Variants in NEGR1 observed in about 807,000 individuals in gnomAD.
The protein encoded by NEGR1 is neuronal growth regulator 1, also known as IgLON family member 4.
NEGR1 carries 10 observed loss-of-function variants against 40.9 expected under a neutral mutation model. The ratio of observed to expected loss-of-function variants is 0.24; its 90% CI spans 0.15 to 0.42. The LOEUF is 0.42. Among genes scored for constraint, NEGR1 ranks in the 10% least tolerant of loss-of-function variants. The pLI is 1.00. For synonymous variants in NEGR1, 185 were observed against 166.8 expected (o/e 1.11, Z -0.84); for missense variants, 352 against 438.9 (o/e 0.80, Z 1.77).
Position 71,406,345 on chromosome 1 carries a change from G to A in NEGR1, c.*1101C>T, listed in dbSNP as rs1020797409. ...TCCTGTCCACAGGAGCACTGCCTCTGTCATACTAACTTAGCTGCCACAAAA... is the reference window on the plus strand; with the variant it reads ...TCCTGTCCACAGGAGCACTGCCTCTATCATACTAACTTAGCTGCCACAAAA... On this transcript the variant is annotated 3_prime_UTR_variant, in exon 7 of 7. Coordinates refer to ENST00000357731, the MANE Select transcript of NEGR1 (RefSeq NM_173808.3). 1 of 151,896 alleles carries A rather than the reference G, an allele frequency of 6.6e-6. No individual in the cohort carries two copies. Among genetic ancestry groups the A allele is most frequent in the African/African-American group, 2.4e-5 (1 of 41,410 alleles). The allele number at this position is 151,896 out of a possible 1,614,324, so 9.4% of individuals were successfully genotyped here.
At chr1:72,152,212 T>G (rs560836506) in intron 1 of NEGR1, among the ~76,000 whole-genome samples, 21 of 151,876 alleles carry the variant, frequency 1.4e-4, no homozygotes, top group Non-Finnish European at 2.4e-4. Flanking sequence ...ATGAAAGGAA[T>G]ATTAAAATAA....
At chr1:71,623,192 C>A (rs1239915845) in intron 4 of NEGR1, among the ~76,000 whole-genome samples, 2 of 151,704 alleles carry the variant, frequency 1.3e-5, no homozygotes, top group Non-Finnish European at 2.9e-5. Context: ...GTAAACTACC[C>A]ATTTCTCCCT....
chr1:71,663,510 A>C (rs1652139735), intron 4 of NEGR1, among the ~76,000 whole-genome samples: 2 of 152,140 alleles, frequency 1.3e-5, no homozygotes, highest in Admixed American at 6.5e-5. Flanking sequence ...ATGTCATAAA[A>C]CCCTTACTTC....
chr1:71,744,746 A>G (rs922969675), intron 3 of NEGR1, among the ~76,000 whole-genome samples: 1 of 152,182 alleles, frequency 6.6e-6, no homozygotes, highest in African/African-American at 2.4e-5. Flanking sequence ...TTAGTTTTTT[A>G]AGAAAAAATT....
At chr1:71,517,707 G>C in intron 6 of NEGR1, among the ~76,000 whole-genome samples, 1 of 114,012 alleles carries the variant, frequency 8.8e-6, no homozygotes, top group South Asian at 3.4e-4. Flanking sequence ...ATTCAACATA[G>C]TGTTGGAAGT....
intron 1 of NEGR1, chr1:72,274,926 C>T (rs535378178): frequency 1.8e-5 from 28 of 1,562,040 alleles, no homozygotes; most frequent in Admixed American, 3.3e-5. Context: ...CAGATATCTA[C>T]GTCTGCATGA....
intron 1 of NEGR1, among the ~76,000 whole-genome samples, chr1:72,266,062 C>T (rs554666450): frequency 6.6e-6 from 1 of 150,862 alleles, no homozygotes; most frequent in African/African-American, 2.4e-5. Flanking sequence ...AGAATATTTC[C>T]CATCCATGTT....
intron 2 of NEGR1, among the ~76,000 whole-genome samples, chr1:71,840,194 T>C (rs996558715): frequency 1.1e-4 from 16 of 152,100 alleles, no homozygotes; most frequent in African/African-American, 3.1e-4. Context: ...TCAGTAAACA[T>C]TGTACATCAA....
Position 71,843,129 on chromosome 1 carries a change from C to T in NEGR1, c.410-66832G>A, listed in dbSNP as rs77761783. ...GGCAAATGAATGTCGTTATAGTGCC[C>T]ATTAGGGAACTCACTTTGATTAAAG... On this transcript the variant is annotated intron_variant, in intron 2 of 6. Transcript: ENST00000357731. Among the ~76,000 whole-genome samples, 931 of 152,150 alleles carry T rather than the reference C, an allele frequency of 6.1e-3. 38 individuals carry two copies. The South Asian group carries it at 0.1, about 17-fold the overall frequency.
At chr1:72,181,121 T>A (rs1271901254) in intron 1 of NEGR1, among the ~76,000 whole-genome samples, 1 of 152,122 alleles carries the variant, frequency 6.6e-6, no homozygotes, top group African/African-American at 2.4e-5. Context: ...CCTTTAAGGT[T>A]TTAGAATGAC....
intron 3 of NEGR1, among the ~76,000 whole-genome samples, chr1:71,752,829 TG>T (rs1655615367): frequency 6.6e-6 from 1 of 152,152 alleles, no homozygotes; most frequent in Non-Finnish European, 1.5e-5. Flanking sequence ...CTACTTAACA[TG>T]GTTTCAGTTC....
At chr1:72,186,692 TC>T (rs1363229750) in intron 1 of NEGR1, among the ~76,000 whole-genome samples, 6 of 151,778 alleles carry the variant, frequency 4.0e-5, no homozygotes, top group Admixed American at 3.3e-4. Flanking sequence ...GCTTCCCAAT[TC>T]TCAATGTATT....
rs140060218 is a variant in NEGR1 at position 72,007,198 on chromosome 1, A to C, written c.177-71887T>G. Among the ~76,000 whole-genome samples the C allele has an allele frequency of 1.7e-4, 26 of 152,278 alleles. No homozygotes were observed. In the East Asian group the frequency reaches 4.8e-3, roughly 28 times the overall value. ...GCAAACATGCTAAGCATTCACTTGC[A>C]CTAGTAAATGTCCTTGGCCATATTA... On this transcript the variant is annotated intron_variant, in intron 1 of 6. Transcript: ENST00000357731.
intron 2 of NEGR1, among the ~76,000 whole-genome samples, chr1:71,872,718 G>C (rs1294397096): frequency 1.3e-5 from 2 of 152,156 alleles, no homozygotes; most frequent in African/African-American, 2.4e-5. Context: ...ATAAAGGTTG[G>C]ATTCATTTCA....
intron 3 of NEGR1, among the ~76,000 whole-genome samples, chr1:71,744,186 T>C (rs1358043360): frequency 1.3e-5 from 2 of 151,658 alleles, no homozygotes; most frequent in East Asian, 3.9e-4. Context: ...ATGAACTTGA[T>C]AGCTGTAAAG....
rs372700765 is a variant in NEGR1, at chr1:71,820,177, C to T, written c.410-43880G>A. Among the ~76,000 whole-genome samples the T allele has an allele frequency of 5.0e-4, 76 of 152,036 alleles. 1 individual carries two copies. In the South Asian group the frequency reaches 8.5e-3, roughly 17 times the overall value. ...TGGAGATGTTAATAAAAGACGACAC[C>T]AGTGGGGGCAAAATAAACAGACTGC... On this transcript the variant is annotated intron_variant, in intron 2 of 6. Coordinates refer to ENST00000357731, the MANE Select transcript of NEGR1 (RefSeq NM_173808.3).
At chr1:71,698,813 CA>C (rs1168286524) in intron 3 of NEGR1, among the ~76,000 whole-genome samples, 3 of 151,544 alleles carry the variant, frequency 2.0e-5, no homozygotes, top group Admixed American at 1.3e-4. Flanking sequence ...TTCTATGTGA[CA>C]AAAAATAGCA....
chr1:71,766,755 G>A (rs758479631), intron 3 of NEGR1, among the ~76,000 whole-genome samples: 4 of 152,120 alleles, frequency 2.6e-5, no homozygotes, highest in Non-Finnish European at 5.9e-5. Context: ...TGGACCTAGC[G>A]GGAGGTAACT....
intron 4 of NEGR1, among the ~76,000 whole-genome samples, chr1:71,646,888 C>T (rs1651549262): frequency 6.6e-6 from 1 of 151,766 alleles, no homozygotes; most frequent in Non-Finnish European, 1.5e-5. Flanking sequence ...ATTATTGTCC[C>T]TGCATATATT....
Sources: allele counts gnomAD v4.1 joint callset (sites outside exome capture counted in the v4.1 genomes callset), GRCh38; gene constraint gnomAD v4.1.1; transcripts MANE v1.5; gene names NCBI Gene and HGNC (gene_info 2026-07-23, HGNC 2026-07-21).